FAM227B: variants seen among roughly 807,000 people sequenced by gnomAD.
The protein encoded by FAM227B is family with sequence similarity 227 member B.
In FAM227B, 88 loss-of-function variants were observed where a neutral mutation model predicts 73.8. That is an observed-to-expected ratio of 1.19 (90% CI 1.00 to 1.42). The LOEUF (loss-of-function observed/expected upper bound fraction) is 1.42. Ranked by LOEUF, FAM227B falls within the 40% of genes most tolerant of loss-of-function variation. The pLI, the probability that FAM227B is intolerant of heterozygous loss-of-function variation, is 0.00. For missense variants in FAM227B, 632 were observed against 590.9 expected (o/e 1.07, Z -0.72); for synonymous variants, 210 against 190.5 (o/e 1.10, Z -0.84).
intron 13 of FAM227B, among the ~76,000 whole-genome samples, chr15:49,338,952 T>C (rs2040241171): frequency 6.6e-6 from 1 of 152,226 alleles, no homozygotes; most frequent in Non-Finnish European, 1.5e-5. Context: ...TTCACGAAGT[T>C]CTCATGCTGT....
chr15:49,369,519 G>T (rs1452692282), intron 12 of FAM227B, among the ~76,000 whole-genome samples: 1 of 152,030 alleles, frequency 6.6e-6, no homozygotes, highest in African/African-American at 2.4e-5. Flanking sequence ...AAGTCCAAGG[G>T]GTGATTTGGG....
intron 9 of FAM227B, among the ~76,000 whole-genome samples, chr15:49,549,029 T>C (rs556220768): frequency 1.3e-5 from 2 of 152,272 alleles, no homozygotes; most frequent in South Asian, 4.1e-4. Context: ...TTATTATTTA[T>C]TTTCTTCTCC....
At chr15:49,391,258 T>C (rs1397914477) in intron 11 of FAM227B, among the ~76,000 whole-genome samples, 1 of 152,104 alleles carries the variant, frequency 6.6e-6, no homozygotes, top group African/African-American at 2.4e-5. Flanking sequence ...TTAAGAAATA[T>C]CTCTTGTAGT....
At chr15:49,351,761 A>T (rs1444440159) in intron 13 of FAM227B, among the ~76,000 whole-genome samples, 6 of 25,532 alleles carry the variant, frequency 2.3e-4, no homozygotes, top group Non-Finnish European at 6.3e-4. Context: ...CTGACCCTAT[A>T]AGGGAGGTCT....
chr15:49,336,478 A>G (rs546318827), intron 13 of FAM227B, among the ~76,000 whole-genome samples: 2 of 152,208 alleles, frequency 1.3e-5, no homozygotes, highest in South Asian at 4.1e-4. Flanking sequence ...AACCTCTGCC[A>G]TCACTAAGAT....
intron 10 of FAM227B, 87 bp from the exon 11 acceptor site, chr15:49,508,435 T>C: frequency 4.1e-6 from 5 of 1,219,428 alleles, no homozygotes; most frequent in Non-Finnish European, 4.5e-6. Context: ...ATGATAATTA[T>C]ACATTTCATC....
chr15:49,433,162 ATTAT>A (rs1160595426), intron 11 of FAM227B, among the ~76,000 whole-genome samples: 3 of 151,394 alleles, frequency 2.0e-5, no homozygotes, highest in Non-Finnish European at 4.4e-5. Flanking sequence ...AAAGAAATCA[ATTAT>A]TTGAGATTTT....
At chr15:49,578,212 T>C (rs2075585948) in intron 5 of FAM227B, among the ~76,000 whole-genome samples, 1 of 152,158 alleles carries the variant, frequency 6.6e-6, no homozygotes, top group South Asian at 2.1e-4. Flanking sequence ...CACTGGATGG[T>C]TCCTGGAAAG....
chr15:49,427,243 A>G (rs2050207442), intron 11 of FAM227B, among the ~76,000 whole-genome samples: 1 of 152,206 alleles, frequency 6.6e-6, no homozygotes, highest in South Asian at 2.1e-4. Flanking sequence ...TTAAAATAAC[A>G]AGAATGGAAA....
chr15:49,595,613 C>A (rs932060851), intron 3 of FAM227B, among the ~76,000 whole-genome samples: 2 of 151,416 alleles, frequency 1.3e-5, no homozygotes, highest in African/African-American at 4.9e-5. Context: ...AGGTATGTCC[C>A]TTCTATGTTG....
At chr15:49,434,906 C>G (rs1000773605) in intron 11 of FAM227B, among the ~76,000 whole-genome samples, 1 of 151,204 alleles carries the variant, frequency 6.6e-6, no homozygotes, top group Non-Finnish European at 1.5e-5. Context: ...CAATGTTTTT[C>G]CTTTAAAGGG....
intron 11 of FAM227B, among the ~76,000 whole-genome samples, chr15:49,415,565 T>C (rs2049155756): frequency 6.6e-6 from 1 of 152,330 alleles, no homozygotes; most frequent in East Asian, 1.9e-4. Flanking sequence ...GATTTTGCTC[T>C]AGGTCTAAAG....
chr15:49,464,099 C>T (rs2054054519), intron 11 of FAM227B, among the ~76,000 whole-genome samples: 1 of 152,050 alleles, frequency 6.6e-6, no homozygotes, highest in Non-Finnish European at 1.5e-5. Context: ...GTTTCATTGG[C>T]TAACTACTGT....
intron 13 of FAM227B, among the ~76,000 whole-genome samples, chr15:49,341,215 T>A (rs1369948326): frequency 6.6e-6 from 1 of 152,206 alleles, no homozygotes; most frequent in Non-Finnish European, 1.5e-5. Flanking sequence ...TCAGCTTTGT[T>A]CTTTTTGCTT....
intron 11 of FAM227B, among the ~76,000 whole-genome samples, chr15:49,482,220 T>A (rs2056017791): frequency 6.6e-6 from 1 of 152,068 alleles, no homozygotes; most frequent in Non-Finnish European, 1.5e-5. Flanking sequence ...TATTACATCA[T>A]TTTAATAAAT....
At chr15:49,590,121 T>C (rs972722805) in intron 3 of FAM227B, 114 bp from the exon 4 acceptor site, 2 of 615,818 alleles carry the variant, frequency 3.2e-6, no homozygotes, top group African/African-American at 1.9e-5. Flanking sequence ...CATTGTTTTT[T>C]ATCACTTTTT....
At chr15:49,607,338 T>C (rs1344658384) in intron 3 of FAM227B, among the ~76,000 whole-genome samples, 1 of 152,134 alleles carries the variant, frequency 6.6e-6, no homozygotes, top group Non-Finnish European at 1.5e-5. Context: ...GCATAGCCAC[T>C]TGGGAAAGTT....
intron 11 of FAM227B, among the ~76,000 whole-genome samples, chr15:49,451,891 G>T (rs75474850): frequency 0.023 from 3,524 of 152,174 alleles, 87 homozygotes; most frequent in South Asian, 0.13. Flanking sequence ...TTTACATGCG[G>T]TTCTTCCAGT....
At chr15:49,339,217 T>G (rs1271234529) in intron 13 of FAM227B, among the ~76,000 whole-genome samples, 1 of 152,160 alleles carries the variant, frequency 6.6e-6, no homozygotes, top group Non-Finnish European at 1.5e-5. Flanking sequence ...GGCATTCTGG[T>G]TTTTGGAATT....
Sources: allele counts gnomAD v4.1 joint callset (sites outside exome capture counted in the v4.1 genomes callset), GRCh38; gene constraint gnomAD v4.1.1; transcripts MANE v1.5; gene names NCBI Gene and HGNC (gene_info 2026-07-23, HGNC 2026-07-21).